Variants in CACNA2D3 observed in about 807,000 individuals in gnomAD.
The protein encoded by CACNA2D3 is calcium voltage-gated channel auxiliary subunit alpha2delta 3.
CACNA2D3 carries 60 observed loss-of-function variants against 160.6 expected under a neutral mutation model. That is an observed-to-expected ratio of 0.37 (90% CI 0.30 to 0.46). The LOEUF (loss-of-function observed/expected upper bound fraction) is 0.46, where lower values mean the gene tolerates loss of function less well. Among genes scored for constraint, CACNA2D3 ranks in the 20% least tolerant of loss-of-function variants. CACNA2D3 has a pLI of 1.00. For missense variants in CACNA2D3, 1,205 were observed against 1,365.0 expected (o/e 0.88, Z 1.85); for synonymous variants, 558 against 492.9 (o/e 1.13, Z -1.75).
chr3:54,874,781 A>G (rs920552853), intron 18 of CACNA2D3: 1 of 152,254 alleles, frequency 6.6e-6, no homozygotes, highest in Admixed American at 6.5e-5. Flanking sequence ...TGGATATTCC[A>G]TGGAGAGAGC....
At chr3:54,776,229 G>A (rs554387562) in intron 13 of CACNA2D3, among the ~76,000 whole-genome samples, 5 of 152,306 alleles carry the variant, frequency 3.3e-5, no homozygotes, top group African/African-American at 9.6e-5. Flanking sequence ...TAAGAGGTCG[G>A]GAGGCTGCCT....
chr3:54,749,329 A>G (rs1701814721), intron 11 of CACNA2D3, among the ~76,000 whole-genome samples: 1 of 152,248 alleles, frequency 6.6e-6, no homozygotes, highest in African/African-American at 2.4e-5. Context: ...TCAGCTATCA[A>G]TAAAGACTTA....
At chr3:54,518,405 G>A (rs968328673) in intron 5 of CACNA2D3, among the ~76,000 whole-genome samples, 11 of 152,160 alleles carry the variant, frequency 7.2e-5, no homozygotes, top group Non-Finnish European at 1.2e-4. Flanking sequence ...GCAAGAGCAA[G>A]CACCTGGGGT....
rs562288158 is a variant in CACNA2D3 at position 55,053,209 on chromosome 3, G to A, written c.2988-20236G>A. 8.5e-4 allele frequency among the ~76,000 whole-genome samples: 129 copies of A among 151,850 alleles called. 1 individual carries two copies. The South Asian group carries it at 0.011, about 12-fold the overall frequency. Reference sequence around the variant, plus strand: ...TACTGATTTTCTTTTTGTCACTATCGATGAGCTTGTATTTTCTAGAATTTT... The same window carrying A: ...TACTGATTTTCTTTTTGTCACTATCAATGAGCTTGTATTTTCTAGAATTTT... On this transcript the variant is annotated intron_variant, in intron 35 of 37. Coordinates refer to ENST00000474759, the MANE Select transcript of CACNA2D3 (RefSeq NM_018398.3).
chr3:54,838,152 A>C (rs548830274), intron 15 of CACNA2D3, among the ~76,000 whole-genome samples: 35 of 152,336 alleles, frequency 2.3e-4, no homozygotes, highest in Non-Finnish European at 4.9e-4. Flanking sequence ...TCTCCTGGGC[A>C]CCAGATGGCA....
chr3:54,421,603 C>A (rs1490272638), intron 4 of CACNA2D3, among the ~76,000 whole-genome samples: 1 of 152,102 alleles, frequency 6.6e-6, no homozygotes, highest in African/African-American at 2.4e-5. Flanking sequence ...GAAAAGTTCA[C>A]CTGGACTCCA....
chr3:54,204,549 C>A (rs1319247144), intron 2 of CACNA2D3, among the ~76,000 whole-genome samples: 2 of 152,060 alleles, frequency 1.3e-5, no homozygotes, highest in African/African-American at 2.4e-5. Context: ...GTAATCCCAG[C>A]ACTTTGGGAG....
chr3:54,528,057 A>G (rs1701752019), intron 5 of CACNA2D3, among the ~76,000 whole-genome samples: 1 of 152,276 alleles, frequency 6.6e-6, no homozygotes, highest in African/African-American at 2.4e-5. Context: ...TAAGTTCTCA[A>G]GAAGCTTCTT....
chr3:54,802,217 G>T (rs1041744828), intron 13 of CACNA2D3, among the ~76,000 whole-genome samples: 1 of 152,106 alleles, frequency 6.6e-6, no homozygotes, highest in Non-Finnish European at 1.5e-5. Flanking sequence ...TGAGCAACAG[G>T]GTGCCCACAT....
intron 11 of CACNA2D3, among the ~76,000 whole-genome samples, chr3:54,643,896 T>C (rs1371940936): frequency 2.0e-5 from 3 of 152,194 alleles, no homozygotes; most frequent in Non-Finnish European, 4.4e-5. Flanking sequence ...TTCACAGATG[T>C]CATGACATCT....
At chr3:54,953,210 A>G (rs946721080) in intron 27 of CACNA2D3, among the ~76,000 whole-genome samples, 2 of 152,246 alleles carry the variant, frequency 1.3e-5, no homozygotes, top group African/African-American at 4.8e-5. Context: ...GCACAAACGT[A>G]TAAGGTGTGC....
chr3:54,871,043 TACACACAC>T (rs58370850), intron 17 of CACNA2D3, among the ~76,000 whole-genome samples: 10,115 of 142,788 alleles, frequency 0.071, 376 homozygotes, highest in African/African-American at 0.1. Context: ...AGCTTTGGGA[TACACACAC>T]ACACACACAC....
chr3:54,919,148 T>C (rs1460758180), intron 27 of CACNA2D3, among the ~76,000 whole-genome samples: 1 of 152,148 alleles, frequency 6.6e-6, no homozygotes, highest in Non-Finnish European at 1.5e-5. Flanking sequence ...ACCTTCATGT[T>C]CTCTAAATGC....
At chr3:54,382,640 C>T (rs568057150) in intron 3 of CACNA2D3, among the ~76,000 whole-genome samples, 4 of 152,218 alleles carry the variant, frequency 2.6e-5, no homozygotes, top group South Asian at 2.1e-4. Flanking sequence ...AAAAATTAGC[C>T]GGGAGTGATG....
intron 9 of CACNA2D3, among the ~76,000 whole-genome samples, chr3:54,604,196 A>T (rs1703116606): frequency 6.6e-6 from 1 of 152,198 alleles, no homozygotes; most frequent in African/African-American, 2.4e-5. Context: ...TTGCCCATTG[A>T]TTCAACAAAC....
At chr3:54,369,629 C>CAGACAG (rs1698888310) in intron 3 of CACNA2D3, among the ~76,000 whole-genome samples, 1 of 152,172 alleles carries the variant, frequency 6.6e-6, no homozygotes, top group Non-Finnish European at 1.5e-5. Context: ...ATTTGCTGCC[C>CAGACAG]AGACAGGTGT....
Position 54,728,035 on chromosome 3 carries a change from GA to G in CACNA2D3, c.1168-24562del, listed in dbSNP as rs1228289644. ...CTTTAAGATTTTTATATACTGTTTAGAATTTGTATTATGATATGTGTAAGAA... is the reference window on the plus strand; with the variant it reads ...CTTTAAGATTTTTATATACTGTTTAGATTTGTATTATGATATGTGTAAGAA... On this transcript the variant is annotated intron_variant, in intron 11 of 37. Transcript: ENST00000474759. Among the ~76,000 whole-genome samples the G allele has an allele frequency of 6.6e-5, 10 of 152,096 alleles. 1 individual carries two copies. The Middle Eastern group carries it at 0.014, about 207-fold the overall frequency.
At chr3:54,660,066 C>A (rs973739960) in intron 11 of CACNA2D3, among the ~76,000 whole-genome samples, 1 of 152,088 alleles carries the variant, frequency 6.6e-6, no homozygotes, top group South Asian at 2.1e-4. Context: ...AAAACCTGAC[C>A]GTGAGCCTTG....
intron 2 of CACNA2D3, among the ~76,000 whole-genome samples, chr3:54,179,330 G>A (rs1041448613): frequency 5.3e-5 from 8 of 152,190 alleles, no homozygotes; most frequent in Admixed American, 1.3e-4. Flanking sequence ...GGGCCTTTGG[G>A]CAGTCTTGCT....
Sources: gnomAD v4.1 joint callset for allele counts (sites outside exome capture counted in the v4.1 genomes callset) on GRCh38, gnomAD v4.1.1 for gene constraint, MANE v1.5 for transcripts, NCBI Gene and HGNC (gene_info 2026-07-23, HGNC 2026-07-21) for gene names.